The following KIF5B variants were observed in gnomAD, a reference collection of about 807,000 sequenced individuals.
The protein encoded by KIF5B is kinesin family member 5B.
KIF5B carries 49 observed loss-of-function variants against 132.8 expected under a neutral mutation model. The ratio of observed to expected loss-of-function variants is 0.37; its 90% confidence interval spans 0.29 to 0.47. KIF5B has a LOEUF of 0.47. Ranked by LOEUF, KIF5B falls within the 20% of genes least tolerant of loss-of-function variation. The pLI is 1.00. For missense variants in KIF5B, 780 were observed against 1,144.0 expected (o/e 0.68, Z 4.59); for synonymous variants, 355 against 369.4 (o/e 0.96, Z 0.45).
chr10:32,035,569 T>C lies in KIF5B; in HGVS notation c.915A>G (p.Ser305=). Residue 305 remains serine, a synonymous_variant, in exon 10 of 26, where the codon TCA becomes TCG. Coordinates refer to ENST00000302418, the MANE Select transcript of KIF5B (RefSeq NM_004521.3). ...ATTTTGTTTCAGACTCATTGTATGA[T>C]GATGGAGAGCAGCAAATTACAATAG... ...RTTIVICCSP[S]SYNESETKST... 1.2e-6 allele frequency: 2 copies of C among 1,611,194 alleles called. No individual in the cohort carries two copies. The highest frequency in any genetic ancestry group is 1.7e-4 in the Middle Eastern group (1 of 6,052).
chr10:32,051,031 A>G (rs1254259149), intron 1 of KIF5B, among the ~76,000 whole-genome samples: 2 of 152,264 alleles, frequency 1.3e-5, no homozygotes, highest in African/African-American at 2.4e-5. Context: ...ACACAATTTT[A>G]GAAATAATTA....
chr10:32,017,618 C>T (rs770058828), intron 23 of KIF5B, among the ~76,000 whole-genome samples: 32 of 152,098 alleles, frequency 2.1e-4, no homozygotes, highest in Non-Finnish European at 3.5e-4. Flanking sequence ...AAAGACAATA[C>T]ATTACAAGAT....
intron 19 of KIF5B, 92 bp from the exon 20 acceptor site, chr10:32,020,051 C>T (rs976823835): frequency 9.5e-6 from 8 of 841,160 alleles, no homozygotes; most frequent in Non-Finnish European, 1.5e-5. Context: ...ATTCTATAAT[C>T]TCATCAAGGA....
In KIF5B at chr10:32,019,965, G is replaced by GA. The variant is rs1564463262; in HGVS notation, c.2205-7dup. On this transcript the variant is annotated splice_polypyrimidine_tract_variant and splice_region_variant and intron_variant, in intron 19 of 25. Coordinates refer to ENST00000302418, the MANE Select transcript of KIF5B (RefSeq NM_004521.3). ...ACATCATTTTCTGGTTTTGGCTGAC[G>GA]AAAGAAAAAAATAATTAACACAGTA... The GA allele has an allele frequency of 1.9e-6, 3 of 1,570,282 alleles. No homozygotes were observed. The highest frequency in any genetic ancestry group is 2.6e-6 in the Non-Finnish European group (3 of 1,154,726).
chr10:32,036,320 TG>T (rs1401963635), intron 8 of KIF5B, among the ~76,000 whole-genome samples: 2 of 152,248 alleles, frequency 1.3e-5, no homozygotes, highest in Admixed American at 1.3e-4. Flanking sequence ...TGCATAATGT[TG>T]ATGTTGTAAC....
Position 32,038,148 on chromosome 10 carries a change from C to T in KIF5B, c.498+15G>A. Reference sequence around the variant, plus strand: ...AAGTATTACAGGGTTTTCTAGACAACTGTACTATAAATACCTTTACATAGG... The same window carrying T: ...AAGTATTACAGGGTTTTCTAGACAATTGTACTATAAATACCTTTACATAGG... On this transcript the variant is annotated intron_variant, in intron 6 of 25. Coordinates refer to ENST00000302418, the MANE Select transcript of KIF5B (RefSeq NM_004521.3). 6.7e-7 allele frequency: 1 copy of T among 1,488,040 alleles called. No homozygotes were observed. The highest frequency in any genetic ancestry group is 9.3e-7 in the Non-Finnish European group (1 of 1,079,428). 92.2% of individuals were successfully genotyped at this position (1,488,040 alleles called of 1,614,324 possible). A position where few individuals can be genotyped will look rare whatever the true frequency, so the allele number is the denominator to read the frequency against.
At chr10:32,026,087 A>G (rs1188232278) in intron 15 of KIF5B, among the ~76,000 whole-genome samples, 2 of 152,214 alleles carry the variant, frequency 1.3e-5, no homozygotes, top group Admixed American at 1.3e-4. Context: ...TATAGAATAC[A>G]ATGAGTACAA....
intron 11 of KIF5B, among the ~76,000 whole-genome samples, chr10:32,034,342 C>A (rs1352932781): frequency 6.6e-6 from 1 of 152,016 alleles, no homozygotes; most frequent in Non-Finnish European, 1.5e-5. Context: ...TAACTCCTGA[C>A]CTCAAGTGAT....
chr10:32,030,516 A>G (rs1841389019), intron 14 of KIF5B, among the ~76,000 whole-genome samples: 1 of 86,236 alleles, frequency 1.2e-5, no homozygotes, highest in South Asian at 3.3e-4. Flanking sequence ...ACTTTGTCTC[A>G]AAAAAAAAAA....
chr10:32,020,433 C>A (rs1188113707), intron 19 of KIF5B, among the ~76,000 whole-genome samples: 1 of 151,772 alleles, frequency 6.6e-6, no homozygotes, highest in African/African-American at 2.4e-5. Context: ...AAGTTTTTCC[C>A]AGTTAAGAAT....
chr10:32,027,513 A>C (rs2132593514), intron 15 of KIF5B, among the ~76,000 whole-genome samples: 1 of 152,322 alleles, frequency 6.6e-6, no homozygotes, highest in Admixed American at 6.5e-5. Context: ...TCACACTAAA[A>C]TAAAAAAGAA....
intron 19 of KIF5B, 145 bp from the exon 20 acceptor site, chr10:32,020,104 G>A: frequency 1.8e-6 from 1 of 561,678 alleles, no homozygotes; most frequent in South Asian, 2.7e-5. Flanking sequence ...AGAGGAAAGG[G>A]ACCTGGCTAC....
At chr10:32,017,924 A>G in intron 23 of KIF5B, 128 bp downstream of exon 23, 1 of 498,240 alleles carries the variant, frequency 2.0e-6, no homozygotes, top group South Asian at 5.3e-5. Context: ...TCTTTATATA[A>G]TTTCTGATAA....
intron 2 of KIF5B, among the ~76,000 whole-genome samples, 200 bp from the exon 3 acceptor site, chr10:32,040,657 A>ACC (rs1554802438): frequency 3.3e-3 from 458 of 137,690 alleles, no homozygotes; most frequent in Middle Eastern, 0.019. Flanking sequence ...ACACACACAC[A>ACC]CCCTCTTCCT....
chr10:32,037,006 A>C (rs995805063), intron 8 of KIF5B, among the ~76,000 whole-genome samples: 2 of 152,222 alleles, frequency 1.3e-5, no homozygotes, highest in Non-Finnish European at 2.9e-5. Context: ...ACCAGTTCTC[A>C]CTATGAACAT....
At chr10:32,022,282 GA>G in intron 16 of KIF5B, 25 bp from the exon 17 acceptor site, 2 of 1,190,000 alleles carry the variant, frequency 1.7e-6, no homozygotes, top group East Asian at 2.3e-5. Flanking sequence ...ATACTGATAT[GA>G]AGTGGAAAAC....
chr10:32,020,714 T>C (rs1592439788), intron 19 of KIF5B, among the ~76,000 whole-genome samples: 1 of 152,192 alleles, frequency 6.6e-6, no homozygotes, highest in South Asian at 2.1e-4. Context: ...CATCAGCCAC[T>C]GCACCCAGCC....
At chr10:32,019,682 G>A (rs183306945) in intron 20 of KIF5B, among the ~76,000 whole-genome samples, 176 bp downstream of exon 20, 5 of 152,094 alleles carry the variant, frequency 3.3e-5, no homozygotes, top group African/African-American at 9.7e-5. Flanking sequence ...TCACTCAAAT[G>A]CAAGTATATA....
Position 32,035,608 on chromosome 10 carries a change from G to A in KIF5B, c.876C>T (p.Gly292=). 6.2e-7 allele frequency: 1 copy of A among 1,612,172 alleles called. No homozygotes were observed. The highest frequency in any genetic ancestry group is 8.5e-7 in the Non-Finnish European group (1 of 1,178,496). Residue 292 remains glycine, a synonymous_variant, in exon 10 of 26, where the codon GGC becomes GGT. Coordinates refer to ENST00000302418, the MANE Select transcript of KIF5B (RefSeq NM_004521.3). Reference sequence around the variant, plus strand: ...AAATTACAATAGTGGTTCTACAGTTGCCACCTAATGAATCTTGAAGGATTC... The same window carrying A: ...AAATTACAATAGTGGTTCTACAGTTACCACCTAATGAATCTTGAAGGATTC... The part of the protein sequence containing the change: ...MTRILQDSLG[G]NCRTTIVICC...
Sources: allele counts gnomAD v4.1 joint callset (sites outside exome capture counted in the v4.1 genomes callset), GRCh38; gene constraint gnomAD v4.1.1; transcripts MANE v1.5; gene names NCBI Gene and HGNC (gene_info 2026-07-23, HGNC 2026-07-21).